Variants in SYNRG observed in about 807,000 individuals in gnomAD.
SYNRG encodes the protein synergin gamma.
Under a neutral mutation model 130.9 loss-of-function variants are expected in SYNRG, and 37 were observed. That is an observed-to-expected ratio of 0.28 (90% CI 0.22 to 0.37). SYNRG has a LOEUF of 0.37. SYNRG is among the 10% of genes least tolerant of loss of function. The probability of loss-of-function intolerance (pLI) is 1.00; values close to 1 mark genes in which losing one functional copy is unlikely to be tolerated. For synonymous variants in SYNRG, 539 were observed against 568.1 expected, an observed-to-expected ratio of 0.95 and a Z score of 0.73; for missense variants, 1,338 against 1,588.9, an observed-to-expected ratio of 0.84 and a Z score of 2.68.
intron 3 of SYNRG, among the ~76,000 whole-genome samples, chr17:37,588,794 T>C (rs1216504439): frequency 6.6e-6 from 1 of 151,600 alleles, no homozygotes; most frequent in Non-Finnish European, 1.5e-5. Context: ...CAAAAGAAAC[T>C]ACCCAAATCA....
In SYNRG at chr17:37,590,356, C is replaced by T. The variant is rs58812617; in HGVS notation, c.241-3807G>A. Reference sequence around the variant, plus strand: ...GCCAACAACTAGCAGAAGATACTGGCAACACATGTAACTACAAAGGATTAG... The same window carrying T: ...GCCAACAACTAGCAGAAGATACTGGTAACACATGTAACTACAAAGGATTAG... On this transcript the variant is annotated intron_variant, in intron 3 of 21. Coordinates refer to ENST00000612223, the MANE Select transcript of SYNRG (RefSeq NM_007247.6). Among the ~76,000 whole-genome samples the T allele has an allele frequency of 3.8e-3, 582 of 152,082 alleles. 3 individuals carry two copies. The highest frequency in any genetic ancestry group is 0.013 in the African/African-American group (556 of 41,476).
intron 1 of SYNRG, among the ~76,000 whole-genome samples, chr17:37,606,409 T>C (rs529626590): frequency 1.3e-5 from 2 of 152,342 alleles, no homozygotes; most frequent in Admixed American, 6.5e-5. Flanking sequence ...CTCTAAAAGC[T>C]TGTAAAAGAT....
chr17:37,568,655 T>C (rs1255083619), intron 11 of SYNRG, 136 bp downstream of exon 11: 8 of 940,930 alleles, frequency 8.5e-6, no homozygotes, highest in African/African-American at 5.0e-5. Context: ...AAAGTATTAA[T>C]ACAGAGGGAA....
intron 14 of SYNRG, among the ~76,000 whole-genome samples, chr17:37,547,419 A>G (rs956945320): frequency 4.0e-5 from 6 of 150,464 alleles, no homozygotes; most frequent in Non-Finnish European, 1.5e-5. Context: ...GATTTAGCAC[A>G]GGTTTTTTGA....
chr17:37,576,622 A>G (rs1016186555), intron 7 of SYNRG: 6 of 469,952 alleles, frequency 1.3e-5, no homozygotes, highest in African/African-American at 9.8e-5. Flanking sequence ...ACTATGTTCT[A>G]AAGAGTAAAT....
chr17:37,525,109 A>G (rs771385557), intron 19 of SYNRG, among the ~76,000 whole-genome samples: 1 of 152,244 alleles, frequency 6.6e-6, no homozygotes, highest in Non-Finnish European at 1.5e-5. Context: ...GTACACATGT[A>G]TAAACAGGGT....
At chr17:37,561,645 A>G in intron 11 of SYNRG, 56 bp from the exon 12 acceptor site, 1 of 1,318,216 alleles carries the variant, frequency 7.6e-7, no homozygotes, top group East Asian at 2.3e-5. Context: ...TTATCATCTA[A>G]AAGGAAGTTA....
intron 19 of SYNRG, among the ~76,000 whole-genome samples, chr17:37,533,267 G>A (rs2056825589): frequency 6.6e-6 from 1 of 152,074 alleles, no homozygotes; most frequent in Admixed American, 6.5e-5. Flanking sequence ...TGGGCGTGGT[G>A]GCGCATGCCT....
Position 37,538,325 on chromosome 17 carries a change from T to G in SYNRG, c.3516A>C (p.Leu1172Phe). 1 of 1,596,446 alleles carries G rather than the reference T, an allele frequency of 6.3e-7. No individual in the cohort carries two copies. Among genetic ancestry groups the G allele is most frequent in the Non-Finnish European group, 8.5e-7 (1 of 1,172,430 alleles). ...IQSAQGMEYL[L>F]GVVEVYRVTK... is the part of the protein sequence containing the mutation. ...ATAGTAAAATATGAAAGAACATACC[T>G]AATAAATATTCCATGCCTTGAGCTG... is the stretch of plus-strand genomic sequence containing the variant. The change falls in exon 18 of 22, where the codon TTA becomes TTC. Residue 1172 changes from leucine to phenylalanine, a missense_variant and splice_region_variant. This residue lies in a region of SYNRG where 1,146 missense variants were observed against 1,342.3 expected (regional missense o/e 0.85). Coordinates refer to ENST00000612223, the MANE Select transcript of SYNRG (RefSeq NM_007247.6).
Position 37,561,571 on chromosome 17 carries a change from C to T in SYNRG, c.1500G>A (p.Met500Ile), listed in dbSNP as rs775470160. Residue 500 changes from methionine (M) to isoleucine (I), a missense_variant, in exon 12 of 22, where the codon ATG becomes ATA. This residue lies in a region of SYNRG where 1,146 missense variants were observed against 1,342.3 expected (regional missense o/e 0.85). Coordinates refer to ENST00000612223, the MANE Select transcript of SYNRG (RefSeq NM_007247.6). Reference sequence around the variant, plus strand: ...GCAATGCTTTAGTTCCAGGAAGTGGCATCAACAAAGAAGGGGCACTGAAGG... The same window carrying T: ...GCAATGCTTTAGTTCCAGGAAGTGGTATCAACAAAGAAGGGGCACTGAAGG... ...QHGNSAPSLLMPLPGTKALPS... is the reference protein window; with the variant it reads ...QHGNSAPSLLIPLPGTKALPS... 3 of 1,612,056 alleles carry T rather than the reference C, an allele frequency of 1.9e-6. No homozygotes were observed. Among genetic ancestry groups the T allele is most frequent in the Non-Finnish European group, 2.5e-6 (3 of 1,178,580 alleles).
chr17:37,565,421 T>C (rs901903220), intron 11 of SYNRG, among the ~76,000 whole-genome samples: 18 of 152,136 alleles, frequency 1.2e-4, no homozygotes, highest in African/African-American at 4.1e-4. Flanking sequence ...CCGCCTGCCT[T>C]GGCCTCCCAA....
At chr17:37,602,538 G>A (rs954608645) in intron 1 of SYNRG, among the ~76,000 whole-genome samples, 1 of 152,168 alleles carries the variant, frequency 6.6e-6, no homozygotes, top group Non-Finnish European at 1.5e-5. Flanking sequence ...GTAGTTACCA[G>A]TGTCTAATGC....
At position 37,515,029 on chromosome 17, in the gene SYNRG, T is replaced by G. The variant is rs1357950049; in HGVS notation, c.*3911A>C. On this transcript the variant is annotated 3_prime_UTR_variant, in exon 22 of 22. Coordinates refer to ENST00000612223, the MANE Select transcript of SYNRG (RefSeq NM_007247.6). ...ACGCATTTCGCTAAGGGCCACAGCA[T>G]TCACTGGTTAATAAAGCCACAGCTA... is the stretch of plus-strand genomic sequence containing the variant. The G allele has an allele frequency of 6.6e-6, 1 of 152,198 alleles. No homozygotes were observed. The highest frequency in any genetic ancestry group is 1.5e-5 in the Non-Finnish European group (1 of 68,032). 9.4% of individuals were successfully genotyped at this position (152,198 alleles called of 1,614,324 possible).
chr17:37,586,682 G>T, intron 3 of SYNRG, 133 bp from the exon 4 acceptor site: 1 of 1,004,876 alleles, frequency 1.0e-6, no homozygotes, highest in Non-Finnish European at 1.4e-6. Flanking sequence ...ATTAAAAGAT[G>T]CAAAGATGCA....
chr17:37,573,219 C>G (rs1259064743), intron 8 of SYNRG, among the ~76,000 whole-genome samples: 4 of 151,852 alleles, frequency 2.6e-5, no homozygotes, highest in Non-Finnish European at 4.4e-5. Flanking sequence ...CTAGCCAATA[C>G]GGTGAAATCC....
At chr17:37,539,291 A>C in intron 16 of SYNRG, 46 bp from the exon 17 acceptor site, 1 of 1,594,250 alleles carries the variant, frequency 6.3e-7, no homozygotes, top group Non-Finnish European at 8.6e-7. Flanking sequence ...CAAACCTGGA[A>C]TCTTCTATTG....
intron 6 of SYNRG, among the ~76,000 whole-genome samples, chr17:37,581,357 A>G (rs2061321568): frequency 6.6e-6 from 1 of 152,018 alleles, no homozygotes; most frequent in South Asian, 2.1e-4. Flanking sequence ...AGCTCACCGC[A>G]ACCTCTGCCT....
At chr17:37,547,610 G>C (rs1323052121) in intron 14 of SYNRG, among the ~76,000 whole-genome samples, 1 of 151,996 alleles carries the variant, frequency 6.6e-6, no homozygotes, top group Non-Finnish European at 1.5e-5. Context: ...TTACAGGCAC[G>C]AGCCACCACA....
At position 37,520,657 on chromosome 17, in the gene SYNRG, A is replaced by T. The variant is rs139158739; in HGVS notation, c.3667-9T>A. 9.4e-5 allele frequency: 151 copies of T among 1,612,078 alleles called. No individual in the cohort carries two copies. In the African/African-American group the frequency reaches 1.8e-3, roughly 19 times the overall value. On this transcript the variant is annotated splice_polypyrimidine_tract_variant and intron_variant, in intron 19 of 21. Coordinates refer to ENST00000612223, the MANE Select transcript of SYNRG (RefSeq NM_007247.6). The stretch of plus-strand genomic sequence containing the variant: ...AGCGAGTTTTCATCTGGCTGTGAGG[A>T]CGACAAGACAAATGGGTAAGAAGTC...
Sources: allele counts gnomAD v4.1 joint callset (sites outside exome capture counted in the v4.1 genomes callset), GRCh38; gene constraint gnomAD v4.1.1; regional missense constraint gnomAD v4.1.1; transcripts MANE v1.5; gene names NCBI Gene and HGNC (gene_info 2026-07-23, HGNC 2026-07-21).